The following AP1M2 variants were observed in gnomAD, a reference collection of about 807,000 sequenced individuals.
AP1M2 encodes adaptor related protein complex 1 subunit mu 2.
A neutral mutation model predicts 54.6 loss-of-function variants in AP1M2; 41 were observed. The observed-to-expected ratio is 0.75, with a 90% confidence interval of 0.59 to 0.97. The LOEUF (loss-of-function observed/expected upper bound fraction) is 0.97, where lower values mean the gene tolerates loss of function less well. Among genes scored for constraint, AP1M2 ranks in the 50% least tolerant of loss-of-function variants. AP1M2 has a pLI of 0.00. For missense variants in AP1M2, 507 were observed against 561.2 expected, an observed-to-expected ratio of 0.90 and a Z score of 0.98; for synonymous variants, 219 against 215.9, an observed-to-expected ratio of 1.01 and a Z score of -0.13.
chr19:10,579,009 T>G (rs761820321), intron 7 of AP1M2, 46 bp from the exon 8 acceptor site: 8 of 1,062,232 alleles, frequency 7.5e-6, no homozygotes, highest in Non-Finnish European at 9.5e-6. Flanking sequence ...CCATGTTGAC[T>G]CTCTTCTTTT....
chr19:10,583,736 G>C (rs370360608), intron 2 of AP1M2, 63 bp from the exon 3 acceptor site: 6 of 1,543,398 alleles, frequency 3.9e-6, no homozygotes, highest in Non-Finnish European at 5.3e-6. Context: ...TACAGACCCC[G>C]AACCTCCACC....
chr19:10,576,258 A>AT (rs34667196), intron 9 of AP1M2, among the ~76,000 whole-genome samples: 19,108 of 82,490 alleles, frequency 0.23, 3,031 homozygotes, highest in East Asian at 0.55. Flanking sequence ...TGCCCGGCTA[A>AT]TTTTTTTTTT....
intron 3 of AP1M2, among the ~76,000 whole-genome samples, chr19:10,583,084 C>T (rs1268883722): frequency 1.3e-5 from 2 of 151,888 alleles, no homozygotes; most frequent in Non-Finnish European, 2.9e-5. Flanking sequence ...CCTTAGCCTC[C>T]CAAAGTACTG....
intron 2 of AP1M2, 68 bp from the exon 3 acceptor site, chr19:10,583,741 T>C: frequency 6.5e-7 from 1 of 1,529,616 alleles, no homozygotes; most frequent in Admixed American, 1.7e-5. Flanking sequence ...ACCCCGAACC[T>C]CCACCCTGTC....
intron 8 of AP1M2, 97 bp downstream of exon 8, chr19:10,578,794 TA>T: frequency 2.2e-6 from 2 of 911,196 alleles, no homozygotes; most frequent in Non-Finnish European, 1.7e-6. Context: ...TTAAGTGATC[TA>T]ACCACCCCGG....
At chr19:10,573,895 A>G (rs1451298740) in intron 11 of AP1M2, among the ~76,000 whole-genome samples, 1 of 151,990 alleles carries the variant, frequency 6.6e-6, no homozygotes, top group African/African-American at 2.4e-5. Context: ...TCCTGAGCTC[A>G]AGCGGTCCTC....
rs376558655 is a variant in AP1M2, at chr19:10,584,032, C to T, written c.81G>A (p.Met27Ile). 7 of 1,611,038 alleles carry T rather than the reference C, an allele frequency of 4.3e-6. No homozygotes were observed. Among genetic ancestry groups the T allele is most frequent in the Non-Finnish European group, 5.9e-6 (7 of 1,178,772 alleles). ...AAGGCATGAAGTGCTCAATCTTGCT[C>T]ATGGCCACATCGCCCTTGTAGTTGC... Reference protein sequence around the residue: ...ISRNYKGDVAMSKIEHFMPLL... With the variant: ...ISRNYKGDVAISKIEHFMPLL... The change falls in exon 2 of 12, where the codon ATG becomes ATA. Residue 27 changes from methionine to isoleucine, a missense_variant. Coordinates refer to ENST00000250244, the MANE Select transcript of AP1M2 (RefSeq NM_005498.5).
chr19:10,580,001 A>AGAG, intron 6 of AP1M2, 143 bp from the exon 7 acceptor site: 1 of 582,268 alleles, frequency 1.7e-6, no homozygotes, highest in Non-Finnish European at 2.7e-6. Flanking sequence ...CTGGCACAGT[A>AGAG]GAGCTGGAAT....
At chr19:10,575,769 C>CTTTTTTTTT (rs71162097) in intron 9 of AP1M2, among the ~76,000 whole-genome samples, 7 of 93,556 alleles carry the variant, frequency 7.5e-5, no homozygotes, top group East Asian at 2.5e-4. Context: ...CTTTTTTTTT[C>CTTTTTTTTT]TTTTTTTTTT....
At chr19:10,574,842 G>A (rs943226399) in intron 10 of AP1M2, 62 bp downstream of exon 10, 81 of 1,535,430 alleles carry the variant, frequency 5.3e-5, no homozygotes, top group African/African-American at 1.1e-4. Context: ...CGAGCCAAGG[G>A]ACAGGAGAGA....
Position 10,581,814 on chromosome 19 carries a change from T to C in AP1M2, c.332A>G (p.Tyr111Cys), listed in dbSNP as rs1729069190. ...GTCCATGAGCTCGTCCAGCAACTCG[T>C]AGACGATGACAAAGTTGTCCCGGAT... ...ESIRDNFVIV[Y>C]ELLDELMDFG... Residue 111 changes from tyrosine to cysteine, a missense_variant, in exon 4 of 12, where the codon TAC (tyrosine) becomes TGC (cysteine). Tyr to Cys is a radical substitution (Grantham distance 194, BLOSUM62 -2). Coordinates refer to ENST00000250244, the MANE Select transcript of AP1M2 (RefSeq NM_005498.5). 2 of 1,613,762 alleles carry C rather than the reference T, an allele frequency of 1.2e-6. No homozygotes were observed. Among genetic ancestry groups the C allele is most frequent in the African/African-American group, 1.3e-5 (1 of 74,868 alleles).
chr19:10,583,913 CA>C lies in AP1M2; in HGVS notation c.199del (p.Leu67TrpfsTer22), dbSNP rs1476934456. 2.5e-6 allele frequency: 4 copies of C among 1,595,444 alleles called. No homozygotes were observed. The East Asian group carries it at 9.1e-5, about 36-fold the overall frequency. On this transcript the variant is annotated frameshift_variant and splice_region_variant, in exon 2 of 12. Transcript: ENST00000250244. LOFTEE classifies it high-confidence loss of function. Reference sequence around the variant, plus strand: ...CCAGGGACACCACGTGGGGTGGATACAGTAGAGGTTGCTGTGTTTGATCCAT... The same window carrying C: ...CCAGGGACACCACGTGGGGTGGATACGTAGAGGTTGCTGTGTTTGATCCAT... The part of the protein sequence containing the change: ...FLWIKHSNLY[L>X]VATTSKNANA...
At chr19:10,586,520 T>C (rs1917660580) in intron 1 of AP1M2, among the ~76,000 whole-genome samples, 1 of 149,026 alleles carries the variant, frequency 6.7e-6, no homozygotes, top group Admixed American at 6.7e-5. Context: ...GCCCCAGATA[T>C]TCAGGAGTTT....
At chr19:10,585,228 AAAAGAAAG>A (rs1209255662) in intron 1 of AP1M2, among the ~76,000 whole-genome samples, 8 of 140,204 alleles carry the variant, frequency 5.7e-5, no homozygotes, top group African/African-American at 1.8e-4. Flanking sequence ...AAGAAAGAAG[AAAAGAAAG>A]AAAGAAAGAA....
At chr19:10,585,349 AAGAAAGAT>A (rs1475623663) in intron 1 of AP1M2, among the ~76,000 whole-genome samples, 3 of 150,886 alleles carry the variant, frequency 2.0e-5, no homozygotes, top group African/African-American at 7.3e-5. Flanking sequence ...GAAAGAAAGA[AAGAAAGAT>A]GACAGTTCAT....
intron 2 of AP1M2, 73 bp downstream of exon 2, chr19:10,583,841 C>T: frequency 6.5e-7 from 1 of 1,531,400 alleles, no homozygotes; most frequent in South Asian, 1.2e-5. Flanking sequence ...AGCCCACCCT[C>T]TCTTGGCCTG....
Position 10,577,687 on chromosome 19 carries a change from G to A in AP1M2, c.889-331C>T, listed in dbSNP as rs970472401. ...CCTGACCTCGTGATCCGCCCACCCC[G>A]GCCTCTCAAAGTGCTGGGATTACAG... On this transcript the variant is annotated intron_variant, in intron 8 of 11. Coordinates refer to ENST00000250244, the MANE Select transcript of AP1M2 (RefSeq NM_005498.5). 2.0e-5 allele frequency among the ~76,000 whole-genome samples: 3 copies of A among 148,414 alleles called. No individual in the cohort carries two copies. The East Asian group carries it at 6.0e-4, about 30-fold the overall frequency.
intron 2 of AP1M2, 102 bp downstream of exon 2, chr19:10,583,812 C>A (rs190564738): frequency 2.0e-6 from 3 of 1,489,812 alleles, no homozygotes; most frequent in African/African-American, 2.8e-5. Flanking sequence ...CAGAGATGTG[C>A]GGTGCAACTC....
intron 11 of AP1M2, among the ~76,000 whole-genome samples, chr19:10,573,913 A>C (rs955345283): frequency 1.3e-5 from 2 of 151,976 alleles, no homozygotes; most frequent in Non-Finnish European, 2.9e-5. Context: ...CTCCCACCTC[A>C]GCCTCCCAAA....
Sources: gnomAD v4.1 joint callset for allele counts (sites outside exome capture counted in the v4.1 genomes callset) on GRCh38, gnomAD v4.1.1 for gene constraint, MANE v1.5 for transcripts, NCBI Gene and HGNC (gene_info 2026-07-23, HGNC 2026-07-21) for gene names.